CADM2: variants seen among roughly 807,000 people sequenced by gnomAD.
CADM2 encodes cell adhesion molecule 2.
A neutral mutation model predicts 49.8 loss-of-function variants in CADM2; 12 were observed. The observed-to-expected ratio is 0.24, with a 90% CI of 0.15 to 0.39. CADM2 has a LOEUF of 0.39. Ranked by LOEUF, CADM2 falls within the 10% of genes least tolerant of loss-of-function variation. The pLI is 1.00. For missense variants in CADM2, 378 were observed against 492.3 expected (o/e 0.77, Z 2.20); for synonymous variants, 214 against 175.4 (o/e 1.22, Z -1.74).
chr3:85,664,133 C>G (rs1211207274), intron 1 of CADM2, among the ~76,000 whole-genome samples: 1 of 151,960 alleles, frequency 6.6e-6, no homozygotes, highest in African/African-American at 2.4e-5. Context: ...TACTGTATCT[C>G]TAGACTTTGG....
At chr3:85,641,582 T>C in intron 1 of CADM2, among the ~76,000 whole-genome samples, 1 of 152,114 alleles carries the variant, frequency 6.6e-6, no homozygotes, top group East Asian at 1.9e-4. Context: ...CTTAAACATT[T>C]TTCCTTTAAA....
intron 1 of CADM2, among the ~76,000 whole-genome samples, chr3:85,680,932 G>C (rs1275185883): frequency 6.6e-6 from 1 of 152,128 alleles, no homozygotes; most frequent in Non-Finnish European, 1.5e-5. Context: ...GAATATTGGG[G>C]TTTGGAGTCA....
chr3:85,053,665 G>C (rs1487520667), intron 1 of CADM2, among the ~76,000 whole-genome samples: 1 of 151,936 alleles, frequency 6.6e-6, no homozygotes, highest in East Asian at 1.9e-4. Context: ...TGAATACCCA[G>C]TTCTTGGAGG....
At chr3:85,855,585 C>CAT (rs10537641) in intron 3 of CADM2, among the ~76,000 whole-genome samples, 6,901 of 120,152 alleles carry the variant, frequency 0.057, 603 homozygotes, top group African/African-American at 0.16. Context: ...ATATAAAAAA[C>CAT]ATATATATAT....
At chr3:85,661,465 C>T (rs2065400952) in intron 1 of CADM2, among the ~76,000 whole-genome samples, 1 of 152,046 alleles carries the variant, frequency 6.6e-6, no homozygotes, top group African/African-American at 2.4e-5. Context: ...AGATTCTAGA[C>T]AGACAAATTT....
At chr3:85,574,941 A>C (rs538321605) in intron 1 of CADM2, among the ~76,000 whole-genome samples, 1 of 152,096 alleles carries the variant, frequency 6.6e-6, no homozygotes, top group East Asian at 1.9e-4. Flanking sequence ...AAAAAGACCC[A>C]TTACTCAAGC....
At chr3:84,982,702 C>CATATATATGT (rs2032260363) in intron 1 of CADM2, among the ~76,000 whole-genome samples, 1 of 76,330 alleles carries the variant, frequency 1.3e-5, no homozygotes, top group Non-Finnish European at 2.4e-5. Flanking sequence ...AACTATAAAG[C>CATATATATGT]ATATATATAT....
intron 1 of CADM2, among the ~76,000 whole-genome samples, chr3:85,514,499 G>A (rs556448510): frequency 5.3e-5 from 8 of 152,134 alleles, no homozygotes; most frequent in Non-Finnish European, 7.4e-5. Flanking sequence ...TCCTAGGAAG[G>A]ACATTCAATA....
intron 8 of CADM2, among the ~76,000 whole-genome samples, chr3:86,025,047 T>C (rs1397688770): frequency 2.4e-5 from 3 of 125,050 alleles, no homozygotes; most frequent in African/African-American, 8.3e-5. Flanking sequence ...CCTGACTAGT[T>C]GTTTTTTTTT....
At chr3:85,675,854 T>C (rs1170010111) in intron 1 of CADM2, among the ~76,000 whole-genome samples, 1 of 152,200 alleles carries the variant, frequency 6.6e-6, no homozygotes, top group Admixed American at 6.5e-5. Context: ...TTCCTGTGTA[T>C]GTGTGGAGTG....
At chr3:85,125,475 C>T (rs2039002653) in intron 1 of CADM2, among the ~76,000 whole-genome samples, 1 of 152,064 alleles carries the variant, frequency 6.6e-6, no homozygotes, top group African/African-American at 2.4e-5. Context: ...CCTTCCACCT[C>T]AGCCTCCTGG....
At chr3:85,557,041 A>G (rs571470388) in intron 1 of CADM2, among the ~76,000 whole-genome samples, 1 of 152,228 alleles carries the variant, frequency 6.6e-6, no homozygotes, top group Non-Finnish European at 1.5e-5. Context: ...GAGCATAACA[A>G]ACACAAGAAA....
Position 85,957,405 on chromosome 3 carries a change from T to C in CADM2, c.792-4064T>C, listed in dbSNP as rs74890095. 9.5e-3 allele frequency among the ~76,000 whole-genome samples: 1,448 copies of C among 151,882 alleles called. 35 individuals carry two copies. Among genetic ancestry groups the C allele is most frequent in the East Asian group, 0.061 (313 of 5,110 alleles). ...TGCTCTTTCAGAATTTTCATAGATATAGATCTGATAAAATTATCCTCCCTT... is the reference window on the plus strand; with the variant it reads ...TGCTCTTTCAGAATTTTCATAGATACAGATCTGATAAAATTATCCTCCCTT... On this transcript the variant is annotated intron_variant, in intron 7 of 9. Coordinates refer to ENST00000383699, the MANE Select transcript of CADM2 (RefSeq NM_001167675.2).
At chr3:85,373,766 G>A (rs567674122) in intron 1 of CADM2, among the ~76,000 whole-genome samples, 1 of 152,120 alleles carries the variant, frequency 6.6e-6, no homozygotes, top group Admixed American at 6.5e-5. Flanking sequence ...AATGTAAGCT[G>A]CCAAGGTGTA....
chr3:85,257,429 A>G (rs891828295), intron 1 of CADM2, among the ~76,000 whole-genome samples: 7 of 152,134 alleles, frequency 4.6e-5, no homozygotes, highest in African/African-American at 1.4e-4. Flanking sequence ...CAGCACAAGT[A>G]TACCAGCTGG....
At chr3:85,304,134 T>C (rs1043217394) in intron 1 of CADM2, among the ~76,000 whole-genome samples, 2 of 151,838 alleles carry the variant, frequency 1.3e-5, no homozygotes, top group Non-Finnish European at 2.9e-5. Context: ...GTGGCATATA[T>C]GTAGATTTGA....
At chr3:85,981,255 A>G (rs1475309862) in intron 8 of CADM2, among the ~76,000 whole-genome samples, 3 of 151,538 alleles carry the variant, frequency 2.0e-5, no homozygotes, top group Non-Finnish European at 3.0e-5. Flanking sequence ...GCCATTATAG[A>G]CTATTATATG....
intron 1 of CADM2, among the ~76,000 whole-genome samples, chr3:85,020,224 A>T (rs1422547818): frequency 6.6e-6 from 1 of 152,182 alleles, no homozygotes; most frequent in Non-Finnish European, 1.5e-5. Context: ...TCAATGAAAA[A>T]CATTCTGAAT....
At chr3:85,851,603 A>C (rs1241773269) in intron 3 of CADM2, among the ~76,000 whole-genome samples, 1 of 150,188 alleles carries the variant, frequency 6.7e-6, no homozygotes, top group Admixed American at 6.7e-5. Context: ...ATATAAATTT[A>C]CTGAAATCAG....
Sources: allele counts gnomAD v4.1 joint callset (sites outside exome capture counted in the v4.1 genomes callset), GRCh38; gene constraint gnomAD v4.1.1; transcripts MANE v1.5; gene names NCBI Gene and HGNC (gene_info 2026-07-23, HGNC 2026-07-21).